Variants in ADK observed in about 807,000 individuals in gnomAD.
The protein encoded by ADK is adenosine kinase.
A neutral mutation model predicts 44.7 loss-of-function variants in ADK; 24 were observed. That is an observed-to-expected ratio of 0.54 (90% CI 0.39 to 0.76). The LOEUF is 0.76. ADK is among the 30% of genes least tolerant of loss of function. The pLI is 0.00. For synonymous variants in ADK, 128 were observed against 142.6 expected, an observed-to-expected ratio of 0.90 and a Z score of 0.73; for missense variants, 321 against 425.1, an observed-to-expected ratio of 0.76 and a Z score of 2.15.
At chr10:74,379,771 A>G (rs1422093748) in intron 4 of ADK, among the ~76,000 whole-genome samples, 1 of 152,184 alleles carries the variant, frequency 6.6e-6, no homozygotes, top group Non-Finnish European at 1.5e-5. Flanking sequence ...AGTGCCTTTA[A>G]TCCCAGCTAC....
intron 6 of ADK, among the ~76,000 whole-genome samples, chr10:74,505,517 C>CTTTT (rs35285709): frequency 7.6e-6 from 1 of 131,366 alleles, no homozygotes. Context: ...CTTCCCCCCA[C>CTTTT]TTTTTTTTTT....
At chr10:74,277,517 C>G (rs1453285213) in intron 3 of ADK, among the ~76,000 whole-genome samples, 1 of 152,100 alleles carries the variant, frequency 6.6e-6, no homozygotes, top group Non-Finnish European at 1.5e-5. Context: ...CTGCCTCAGC[C>G]TCCCAAGTAG....
chr10:74,700,739 G>A (rs1178843756), intron 10 of ADK, among the ~76,000 whole-genome samples: 4 of 152,180 alleles, frequency 2.6e-5, no homozygotes, highest in African/African-American at 9.6e-5. Flanking sequence ...GTTGCTTAAA[G>A]GGATGGTGAG....
At chr10:74,325,834 A>C (rs1840985952) in intron 4 of ADK, among the ~76,000 whole-genome samples, 1 of 151,736 alleles carries the variant, frequency 6.6e-6, no homozygotes, top group Admixed American at 6.6e-5. Flanking sequence ...GATCCTGGTG[A>C]ATTATCTTGT....
At chr10:74,472,914 G>A (rs1259658643) in intron 6 of ADK, among the ~76,000 whole-genome samples, 1 of 151,982 alleles carries the variant, frequency 6.6e-6, no homozygotes, top group Non-Finnish European at 1.5e-5. Context: ...AATACTAATG[G>A]GTATTTATTG....
At chr10:74,497,364 C>T (rs1005872282) in intron 6 of ADK, among the ~76,000 whole-genome samples, 2 of 152,022 alleles carry the variant, frequency 1.3e-5, no homozygotes, top group African/African-American at 2.4e-5. Context: ...TTTTTCTGTC[C>T]TTGTTCTATA....
chr10:74,278,405 A>G (rs1028831339), intron 3 of ADK, among the ~76,000 whole-genome samples: 11 of 149,584 alleles, frequency 7.4e-5, no homozygotes, highest in African/African-American at 2.7e-4. Flanking sequence ...AAACAAATCT[A>G]CTGTGATGTT....
intron 3 of ADK, among the ~76,000 whole-genome samples, chr10:74,236,670 G>A (rs1228798029): frequency 6.6e-6 from 1 of 152,074 alleles, no homozygotes; most frequent in African/African-American, 2.4e-5. Flanking sequence ...GCACACCTTG[G>A]AGATATTGGG....
At chr10:74,360,156 G>A (rs1842288732) in intron 4 of ADK, among the ~76,000 whole-genome samples, 3 of 151,864 alleles carry the variant, frequency 2.0e-5, no homozygotes, top group Admixed American at 6.6e-5. Flanking sequence ...GGTCTGTTAG[G>A]TTTATTTGGT....
intron 10 of ADK, among the ~76,000 whole-genome samples, chr10:74,693,378 A>G (rs1856060358): frequency 6.6e-6 from 1 of 152,204 alleles, no homozygotes; most frequent in Non-Finnish European, 1.5e-5. Flanking sequence ...GATCCATCTT[A>G]TTCTACTGAC....
At chr10:74,634,652 A>T (rs906046628) in intron 9 of ADK, among the ~76,000 whole-genome samples, 1 of 152,126 alleles carries the variant, frequency 6.6e-6, no homozygotes, top group Non-Finnish European at 1.5e-5. Flanking sequence ...GAGAAAAAAA[A>T]CAATGAACAT....
intron 6 of ADK, among the ~76,000 whole-genome samples, chr10:74,497,327 T>C (rs938302502): frequency 6.6e-6 from 1 of 152,260 alleles, no homozygotes; most frequent in South Asian, 2.1e-4. Flanking sequence ...CAAATTGTGC[T>C]GAAGGCATGG....
chr10:74,240,224 A>G (rs886789632), intron 3 of ADK, among the ~76,000 whole-genome samples: 5 of 152,198 alleles, frequency 3.3e-5, no homozygotes, highest in Admixed American at 1.3e-4. Context: ...CATGTTGTCC[A>G]GGCTGGTGCA....
chr10:74,589,196 G>A lies in ADK; in HGVS notation c.727-86G>A, dbSNP rs1589275891. The A allele has an allele frequency of 1.0e-5, 12 of 1,205,602 alleles. No homozygotes were observed. In the East Asian group the frequency reaches 2.6e-4, roughly 26 times the overall value. 74.7% of individuals were successfully genotyped at this position (1,205,602 alleles called of 1,614,324 possible). A position where few individuals can be genotyped will look rare whatever the true frequency, so the allele number is the denominator to read the frequency against. ...TATATTGAGATAATTGTGTAAAGAA[G>A]AAGACTGAATGAGTTTCAAAAAATG... On this transcript the variant is annotated intron_variant, in intron 7 of 10. Transcript: ENST00000539909.
At chr10:74,419,609 G>T (rs1406263299) in intron 6 of ADK, among the ~76,000 whole-genome samples, 1 of 152,134 alleles carries the variant, frequency 6.6e-6, no homozygotes, top group African/African-American at 2.4e-5. Context: ...CTAGAGGCAG[G>T]AAGACAGCTG....
chr10:74,212,686 G>A (rs1843863582), intron 2 of ADK, among the ~76,000 whole-genome samples: 1 of 152,234 alleles, frequency 6.6e-6, no homozygotes, highest in Non-Finnish European at 1.5e-5. Flanking sequence ...AGAGATTTAA[G>A]CAGGCAGATG....
intron 3 of ADK, among the ~76,000 whole-genome samples, chr10:74,236,458 TAC>T (rs1195651227): frequency 5.3e-5 from 8 of 152,220 alleles, no homozygotes; most frequent in Admixed American, 5.2e-4. Flanking sequence ...TCTGTTATAA[TAC>T]AGTTTATTCA....
chr10:74,676,528 G>A (rs1855399626), intron 10 of ADK, among the ~76,000 whole-genome samples: 1 of 152,144 alleles, frequency 6.6e-6, no homozygotes. Flanking sequence ...CTAGGCTGGA[G>A]TGCAACAGCA....
chr10:74,655,679 G>A, intron 9 of ADK: 1 of 470,654 alleles, frequency 2.1e-6, no homozygotes, highest in Admixed American at 2.6e-5. Flanking sequence ...GCCTCCCGAA[G>A]GACATATCCG....
Sources: allele counts gnomAD v4.1 joint callset (sites outside exome capture counted in the v4.1 genomes callset), GRCh38; gene constraint gnomAD v4.1.1; transcripts MANE v1.5; gene names NCBI Gene and HGNC (gene_info 2026-07-23, HGNC 2026-07-21).